NUDT17: variants seen among roughly 807,000 people sequenced by gnomAD.
The protein encoded by NUDT17 is nudix hydrolase 17.
In NUDT17, 38 loss-of-function variants were observed where a neutral mutation model predicts 38.6. The ratio of observed to expected loss-of-function variants is 0.98; its 90% CI spans 0.76 to 1.29. The LOEUF is 1.29. Ranked by LOEUF, NUDT17 falls within the 50% of genes most tolerant of loss-of-function variation. The pLI is 0.00. For synonymous variants in NUDT17, 192 were observed against 167.8 expected (o/e 1.14, Z -1.11); for missense variants, 462 against 415.2 (o/e 1.11, Z -0.98).
Position 145,847,724 on chromosome 1 carries a change from GTA to G in NUDT17, c.731+6_731+7del. The stretch of plus-strand genomic sequence containing the variant: ...GGACCTACCACCCTCTGTCCTGTAA[GTA>G]AGAGCTTCTCCCTCAGCCTCTAATA... On this transcript the variant is annotated splice_donor_region_variant and intron_variant, in intron 6 of 7. Transcript: ENST00000334513. 1 of 1,614,008 alleles carries G rather than the reference GTA, an allele frequency of 6.2e-7. No individual in the cohort carries two copies. Among genetic ancestry groups the G allele is most frequent in the South Asian group, 1.1e-5 (1 of 91,074 alleles).
Position 145,848,190 on chromosome 1 carries a change from C to T in NUDT17, c.810C>T (p.Thr270=), listed in dbSNP as rs1301780085. 2 of 1,614,196 alleles carry T rather than the reference C, an allele frequency of 1.2e-6. No individual in the cohort carries two copies. Among genetic ancestry groups the T allele is most frequent in the African/African-American group, 2.7e-5 (2 of 75,042 alleles). Residue 270 remains threonine (T), a synonymous_variant, in exon 7 of 8, where the codon ACC becomes ACT. Coordinates refer to ENST00000334513, the MANE Select transcript of NUDT17 (RefSeq NM_001012758.3). ...HMSTLLRMIP[T]MAEDKERVST... is the part of the protein sequence containing the mutation. ...CCACCCTCCTGCGGATGATCCCAAC[C>T]ATGGCAGAGGACAAAGAGAGAGTCA...
In NUDT17 at chr1:145,845,635, C is replaced by T. The variant is rs371455010; in HGVS notation, c.-6C>T. The T allele has an allele frequency of 5.3e-6, 8 of 1,505,470 alleles. No individual in the cohort carries two copies. In the South Asian group the frequency reaches 9.8e-5, roughly 19 times the overall value. 93.3% of individuals were successfully genotyped at this position (1,505,470 alleles called of 1,614,324 possible). On this transcript the variant is annotated 5_prime_UTR_variant, in exon 1 of 8. Transcript: ENST00000334513. Reference sequence around the variant, plus strand: ...AGGCGGGCCGCAGCGACTCCAGAGTCGCGTTATGGCCGAGGTGCGGGTGCA... The same window carrying T: ...AGGCGGGCCGCAGCGACTCCAGAGTTGCGTTATGGCCGAGGTGCGGGTGCA...
Position 145,848,137 on chromosome 1 carries a change from A to C in NUDT17, c.757A>C (p.Arg253=). The C allele has an allele frequency of 1.9e-6, 3 of 1,613,908 alleles. No individual in the cohort carries two copies. The highest frequency in any genetic ancestry group is 2.5e-6 in the Non-Finnish European group (3 of 1,179,946). ...VLAVELEEDG[R]ARPLVLHMST... is the part of the protein sequence containing the mutation. ...TGCAGTGGAACTAGAGGAGGATGGA[A>C]GAGCCCGACCTCTGGTCCTGCACAT... The change falls in exon 7 of 8, where the codon AGA becomes CGA. Residue 253 remains arginine (R), a synonymous_variant. Transcript: ENST00000334513.
In NUDT17 at chr1:145,848,611, G is replaced by A. The variant is rs782512796; in HGVS notation, c.*132G>A. The A allele has an allele frequency of 5.2e-5, 36 of 693,316 alleles. No individual in the cohort carries two copies. Among genetic ancestry groups the A allele is most frequent in the Non-Finnish European group, 7.0e-5 (29 of 413,642 alleles). The allele number at this position is 693,316 out of a possible 1,614,324, so 42.9% of individuals were successfully genotyped here. A position where few individuals can be genotyped will look rare whatever the true frequency, so the allele number is the denominator to read the frequency against. On this transcript the variant is annotated 3_prime_UTR_variant, in exon 8 of 8. Coordinates refer to ENST00000334513, the MANE Select transcript of NUDT17 (RefSeq NM_001012758.3). ...TACAACATAGGTCCTAGGCCTTGGC[G>A]AGCCTGAAAAAGAAGATTGGGAAGG...
intron 1 of NUDT17, 27 bp downstream of exon 1, chr1:145,845,859 G>C (rs1361618459): frequency 1.3e-6 from 2 of 1,554,774 alleles, no homozygotes; most frequent in African/African-American, 2.7e-5. Flanking sequence ...CCCAGAGCGG[G>C]GGCAGTGAAG....
chr1:145,848,264 G>T lies in NUDT17; in HGVS notation c.884G>T (p.Arg295Ile). 6.2e-7 allele frequency: 1 copy of T among 1,614,152 alleles called. No individual in the cohort carries two copies. Reference protein sequence around the residue: ...ALKLWLQHLGRTPPPCKSAAY... With the variant: ...ALKLWLQHLGITPPPCKSAAY... Reference sequence around the variant, plus strand: ...AAGCTCTGGCTGCAACATCTGGGCAGGTAAAAGTGAAAAAGGACTGGAGAG... The same window carrying T: ...AAGCTCTGGCTGCAACATCTGGGCATGTAAAAGTGAAAAAGGACTGGAGAG... Residue 295 changes from arginine (R) to isoleucine (I), a missense_variant and splice_region_variant, in exon 7 of 8, where the codon AGA (arginine) becomes ATA (isoleucine). Physicochemically the swap from Arg to Ile is moderately conservative, Grantham distance 97. Transcript: ENST00000334513.
chr1:145,847,995 A>C (rs1652788774), intron 6 of NUDT17, 117 bp from the exon 7 acceptor site: 1 of 1,207,780 alleles, frequency 8.3e-7, no homozygotes, highest in South Asian at 1.4e-5. Context: ...CTTTCTGCAA[A>C]TGAGGTCAAC....
rs1652606537 is a variant in NUDT17, at chr1:145,845,658, G to A, written c.18G>A (p.Val6=). 1.3e-6 allele frequency: 2 copies of A among 1,524,070 alleles called. No individual in the cohort carries two copies. The highest frequency in any genetic ancestry group is 2.8e-5 in the African/African-American group (2 of 72,564). 94.4% of individuals were successfully genotyped at this position (1,524,070 alleles called of 1,614,324 possible). A position where few individuals can be genotyped will look rare whatever the true frequency, so the allele number is the denominator to read the frequency against. The change falls in exon 1 of 8, where the codon GTG becomes GTA. Residue 6 remains valine, a synonymous_variant. Coordinates refer to ENST00000334513, the MANE Select transcript of NUDT17 (RefSeq NM_001012758.3). The stretch of plus-strand genomic sequence containing the variant: ...GTCGCGTTATGGCCGAGGTGCGGGT[G>A]CAGCTGCTCCTGTCCCGGCGTCCGG... MAEVR[V]QLLLSRRPES...
intron 2 of NUDT17, 98 bp from the exon 3 acceptor site, chr1:145,846,335 C>T: frequency 2.0e-6 from 3 of 1,510,482 alleles, no homozygotes; most frequent in Non-Finnish European, 2.8e-6. Flanking sequence ...CTGCAACTCC[C>T]TCTGTGTCCA....
chr1:145,848,016 C>A, intron 6 of NUDT17, 96 bp from the exon 7 acceptor site: 2 of 1,444,402 alleles, frequency 1.4e-6, no homozygotes, highest in Non-Finnish European at 1.9e-6. Flanking sequence ...ACCCACCCAC[C>A]TCCTGTGGTA....
At position 145,847,182 on chromosome 1, in the gene NUDT17, G is replaced by C. The variant is rs587597307; in HGVS notation, c.496-68G>C. 1.1e-4 allele frequency: 98 copies of C among 932,878 alleles called. No individual in the cohort carries two copies. The South Asian group carries it at 1.1e-3, about 11-fold the overall frequency. The allele number at this position is 932,878 out of a possible 1,614,324, so 57.8% of individuals were successfully genotyped here. A position where few individuals can be genotyped will look rare whatever the true frequency, so the allele number is the denominator to read the frequency against. ...GCATGCCAGCCTGGGCGACAAGAGC[G>C]AAACTCCATCTTAAAAAAAAAAAAA... On this transcript the variant is annotated intron_variant, in intron 4 of 7. Coordinates refer to ENST00000334513, the MANE Select transcript of NUDT17 (RefSeq NM_001012758.3).
chr1:145,847,021 G>A (rs587623752), intron 4 of NUDT17, among the ~76,000 whole-genome samples: 15 of 152,246 alleles, frequency 9.9e-5, no homozygotes, highest in African/African-American at 2.9e-4. Context: ...GCGAAACCCC[G>A]TCTCTACTAA....
Position 145,845,697 on chromosome 1 carries a change from C to G in NUDT17, c.57C>G (p.Phe19Leu). 6.5e-7 allele frequency: 1 copy of G among 1,547,636 alleles called. No individual in the cohort carries two copies. Residue 19 changes from phenylalanine (F) to leucine (L), a missense_variant, in exon 1 of 8, where the codon TTC becomes TTG. Phe to Leu is a conservative substitution (Grantham distance 22). Transcript: ENST00000334513. ...LLSRRPESVS[F>L]ARSVCGLLGA... Reference sequence around the variant, plus strand: ...CCCGGCGTCCGGAGTCGGTGAGCTTCGCACGGAGTGTGTGTGGCCTCCTGG... The same window carrying G: ...CCCGGCGTCCGGAGTCGGTGAGCTTGGCACGGAGTGTGTGTGGCCTCCTGG...
intron 6 of NUDT17, 36 bp from the exon 7 acceptor site, chr1:145,848,076 C>T: frequency 6.2e-7 from 1 of 1,611,722 alleles, no homozygotes; most frequent in Non-Finnish European, 8.5e-7. Flanking sequence ...TTGTAAGCTA[C>T]AAGGCACAGC....
intron 4 of NUDT17, 84 bp downstream of exon 4, chr1:145,846,774 G>A (rs782532928): frequency 1.1e-6 from 1 of 944,418 alleles, no homozygotes; most frequent in Non-Finnish European, 1.7e-6. Flanking sequence ...CACATAAGTG[G>A]GCTGGAATCC....
chr1:145,848,464 G>A lies in NUDT17; in HGVS notation c.972G>A (p.Gln324=), dbSNP rs1553733316. Residue 324 remains glutamine (Q), a synonymous_variant, in exon 8 of 8, where the codon CAG becomes CAA. Transcript: ENST00000334513. Reference sequence around the variant, plus strand: ...ACATGGACCCTCTTCCCCCAAACCAGGGGTCTGGAAAGTGAAGTGTAAAAT... The same window carrying A: ...ACATGGACCCTCTTCCCCCAAACCAAGGGTCTGGAAAGTGAAGTGTAAAAT... ...EWNMDPLPPN[Q]GSGK 1.2e-6 allele frequency: 2 copies of A among 1,613,538 alleles called. No individual in the cohort carries two copies.
In NUDT17 at chr1:145,848,726, A is replaced by G; in HGVS notation, c.*247A>G. Reference sequence around the variant, plus strand: ...ATGAGCCTCTAGAAGCTTAGGGGGGAATAAGAAACACTGTGAACTTAGATA... The same window carrying G: ...ATGAGCCTCTAGAAGCTTAGGGGGGGATAAGAAACACTGTGAACTTAGATA... On this transcript the variant is annotated 3_prime_UTR_variant, in exon 8 of 8. Transcript: ENST00000334513. 1 of 447,284 alleles carries G rather than the reference A, an allele frequency of 2.2e-6. No individual in the cohort carries two copies. Among genetic ancestry groups the G allele is most frequent in the South Asian group, 3.5e-5 (1 of 28,830 alleles). 27.7% of individuals were successfully genotyped at this position (447,284 alleles called of 1,614,324 possible).
rs782463215 is a variant in NUDT17, at chr1:145,848,383, C to A, written c.891C>A (p.Pro297=). 3 of 1,613,222 alleles carry A rather than the reference C, an allele frequency of 1.9e-6. No individual in the cohort carries two copies. The highest frequency in any genetic ancestry group is 2.5e-6 in the Non-Finnish European group (3 of 1,179,548). Residue 297 remains proline, a synonymous_variant, in exon 8 of 8, where the codon CCC becomes CCA. Coordinates refer to ENST00000334513, the MANE Select transcript of NUDT17 (RefSeq NM_001012758.3). The part of the protein sequence containing the change: ...KLWLQHLGRT[P]PPCKSAAYLD... The stretch of plus-strand genomic sequence containing the variant: ...TCTTGGAATTCCTCCACAGAACACC[C>A]CCACCGTGTAAAAGTGCAGCTTACC...
Position 145,847,316 on chromosome 1 carries a change from G to A in NUDT17, c.562G>A (p.Val188Met), listed in dbSNP as rs375787974. ...CCATCACATTGTTCTGTATCTACTC[G>A]TGATCTCCCAGGAATCACAGCAGCA... ...KYHHIVLYLL[V>M]ISQESQQQLQ... The change falls in exon 5 of 8, where the codon GTG becomes ATG. Residue 188 changes from valine to methionine, a missense_variant. Val to Met is a conservative substitution (Grantham distance 21). Coordinates refer to ENST00000334513, the MANE Select transcript of NUDT17 (RefSeq NM_001012758.3). The A allele has an allele frequency of 1.7e-5, 27 of 1,611,126 alleles. No individual in the cohort carries two copies. In the Admixed American group the frequency reaches 2.5e-4, roughly 15 times the overall value.
Sources: allele counts gnomAD v4.1 joint callset (sites outside exome capture counted in the v4.1 genomes callset), GRCh38; gene constraint gnomAD v4.1.1; transcripts MANE v1.5; gene names NCBI Gene and HGNC (gene_info 2026-07-23, HGNC 2026-07-21).